TCF20: variants seen among roughly 807,000 people sequenced by gnomAD.
TCF20 encodes SPRE-binding protein.
In TCF20, 3 loss-of-function variants were observed where a neutral mutation model predicts 148.6. That is an observed-to-expected ratio of 0.02 (90% CI 0.01 to 0.05). TCF20 has a LOEUF of 0.05. TCF20 is among the 10% of genes least tolerant of loss of function. The probability of loss-of-function intolerance (pLI) is 1.00; values close to 1 mark genes in which losing one functional copy is unlikely to be tolerated. For synonymous variants in TCF20, 1,049 were observed against 909.5 expected (o/e 1.15, Z -2.76); for missense variants, 2,350 against 2,429.3 (o/e 0.97, Z 0.69).
At chr22:42,174,237 T>C (rs982818993) in intron 3 of TCF20, among the ~76,000 whole-genome samples, 2 of 152,218 alleles carry the variant, frequency 1.3e-5, no homozygotes, top group Non-Finnish European at 2.9e-5. Flanking sequence ...AAAAAATTCA[T>C]TTCCTCAGTC....
At chr22:42,300,753 G>A (rs1927322862) in intron 1 of TCF20, among the ~76,000 whole-genome samples, 1 of 152,122 alleles carries the variant, frequency 6.6e-6, no homozygotes, top group African/African-American at 2.4e-5. Flanking sequence ...TCATCACCCT[G>A]ATGACTAACC....
intron 1 of TCF20, among the ~76,000 whole-genome samples, chr22:42,319,390 G>A (rs1340652937): frequency 1.3e-5 from 2 of 152,164 alleles, no homozygotes; most frequent in Non-Finnish European, 2.9e-5. Flanking sequence ...TGCCTGGGCA[G>A]CCATGGAAAG....
intron 1 of TCF20, among the ~76,000 whole-genome samples, chr22:42,316,394 C>T (rs1927632079): frequency 6.6e-6 from 1 of 152,138 alleles, no homozygotes; most frequent in East Asian, 1.9e-4. Flanking sequence ...AGTTCAGTCC[C>T]CTGGGCCTTC....
At chr22:42,255,987 T>A (rs1344235078) in intron 1 of TCF20, among the ~76,000 whole-genome samples, 1 of 152,176 alleles carries the variant, frequency 6.6e-6, no homozygotes, top group African/African-American at 2.4e-5. Context: ...GATAATATGC[T>A]ACATACTTTT....
intron 1 of TCF20, among the ~76,000 whole-genome samples, chr22:42,325,626 G>A (rs1927861644): frequency 6.6e-6 from 1 of 152,208 alleles, no homozygotes; most frequent in East Asian, 1.9e-4. Flanking sequence ...AGGCATCCCA[G>A]GTAGGCAGGA....
intron 1 of TCF20, among the ~76,000 whole-genome samples, chr22:42,310,152 A>G (rs1927507234): frequency 6.6e-6 from 1 of 152,182 alleles, no homozygotes; most frequent in Non-Finnish European, 1.5e-5. Context: ...GGCAGAGGGA[A>G]TTGTTTCTGT....
intron 1 of TCF20, among the ~76,000 whole-genome samples, chr22:42,329,674 C>T (rs2147057241): frequency 6.6e-6 from 1 of 152,336 alleles, no homozygotes; most frequent in African/African-American, 2.4e-5. Flanking sequence ...TGCAGGAGGG[C>T]TGAGAGGGTG....
chr22:42,281,828 C>T (rs1926909053), intron 1 of TCF20, among the ~76,000 whole-genome samples: 1 of 152,186 alleles, frequency 6.6e-6, no homozygotes, highest in South Asian at 2.1e-4. Context: ...TTCCTCTGAG[C>T]TCTAGGAACA....
chr22:42,221,529 T>C lies in TCF20; in HGVS notation c.-36-6188A>G, dbSNP rs539447055. Among the ~76,000 whole-genome samples the C allele has an allele frequency of 1.1e-4, 16 of 152,250 alleles. No individual in the cohort carries two copies. In the South Asian group the frequency reaches 3.3e-3, roughly 32 times the overall value. ...TGGGGAATGAGAGACTTCTATTTCA[T>C]GCACTATGACATAGAACAGGGACTA... On this transcript the variant is annotated intron_variant, in intron 1 of 5. Transcript: ENST00000677622.
chr22:42,246,306 T>C (rs977161201), intron 1 of TCF20, among the ~76,000 whole-genome samples: 1 of 152,164 alleles, frequency 6.6e-6, no homozygotes, highest in Admixed American at 6.5e-5. Flanking sequence ...GGTTTCGCCA[T>C]GTTGGCCAGG....
intron 3 of TCF20, among the ~76,000 whole-genome samples, chr22:42,171,205 A>G (rs1036335830): frequency 1.1e-4 from 17 of 152,242 alleles, no homozygotes; most frequent in Non-Finnish European, 2.4e-4. Flanking sequence ...GCTCCTGGAG[A>G]CCGACAGCCA....
At chr22:42,291,092 C>G (rs1194090879) in intron 1 of TCF20, among the ~76,000 whole-genome samples, 1 of 152,166 alleles carries the variant, frequency 6.6e-6, no homozygotes, top group Non-Finnish European at 1.5e-5. Flanking sequence ...ACTCCATGCC[C>G]CATCCTTCCC....
At chr22:42,324,693 GAA>G (rs112565438) in intron 1 of TCF20, among the ~76,000 whole-genome samples, 1 of 56,574 alleles carries the variant, frequency 1.8e-5, no homozygotes, top group East Asian at 9.3e-4. Flanking sequence ...CACCATTTGA[GAA>G]AAAATAATCT....
At chr22:42,190,489 A>G (rs1937275709) in intron 2 of TCF20, among the ~76,000 whole-genome samples, 1 of 152,018 alleles carries the variant, frequency 6.6e-6, no homozygotes, top group South Asian at 2.1e-4. Flanking sequence ...CCCTGCACAT[A>G]CTTCCCAGGA....
chr22:42,246,158 T>G lies in TCF20; in HGVS notation c.-37+24181A>C, dbSNP rs532062733. On this transcript the variant is annotated intron_variant, in intron 1 of 5. Coordinates refer to ENST00000677622, the MANE Select transcript of TCF20 (RefSeq NM_001378418.1). Reference sequence around the variant, plus strand: ...TCTCACTCTGTCACCCAGGCTGGAGTGCACTGGTGTGATCTTGGCTCACTG... The same window carrying G: ...TCTCACTCTGTCACCCAGGCTGGAGGGCACTGGTGTGATCTTGGCTCACTG... Among the ~76,000 whole-genome samples the G allele has an allele frequency of 2.0e-5, 3 of 152,248 alleles. No homozygotes were observed. The East Asian group carries it at 5.8e-4, about 29-fold the overall frequency.
chr22:42,267,537 C>T (rs1333501262), intron 1 of TCF20, among the ~76,000 whole-genome samples: 13 of 151,666 alleles, frequency 8.6e-5, no homozygotes, highest in Non-Finnish European at 1.9e-4. Context: ...CCCATCTCTA[C>T]TAAAAATACA....
intron 1 of TCF20, among the ~76,000 whole-genome samples, chr22:42,252,641 G>T (rs979936456): frequency 6.6e-6 from 1 of 152,076 alleles, no homozygotes; most frequent in African/African-American, 2.4e-5. Context: ...AGTAGAGACG[G>T]GGCTTCACCT....
Position 42,160,838 on chromosome 22 carries a change from G to A in TCF20, c.*565C>T, listed in dbSNP as rs1935400640. ...GTTTGCTTTTTCAATCCTGGGTCTAGTGTTTTCTGAACTGGTGTGAGACAG... is the reference window on the plus strand; with the variant it reads ...GTTTGCTTTTTCAATCCTGGGTCTAATGTTTTCTGAACTGGTGTGAGACAG... On this transcript the variant is annotated 3_prime_UTR_variant, in exon 6 of 6. Coordinates refer to ENST00000677622, the MANE Select transcript of TCF20 (RefSeq NM_001378418.1). The A allele has an allele frequency of 6.6e-6, 1 of 152,038 alleles. No homozygotes were observed. The highest frequency in any genetic ancestry group is 1.5e-5 in the Non-Finnish European group (1 of 68,146). 9.4% of individuals were successfully genotyped at this position (152,038 alleles called of 1,614,324 possible). A position where few individuals can be genotyped will look rare whatever the true frequency, so the allele number is the denominator to read the frequency against.
rs1407183076 is a variant in TCF20, at chr22:42,211,506, T to C, written c.3800A>G (p.Lys1267Arg). The C allele has an allele frequency of 1.2e-6, 2 of 1,614,076 alleles. No homozygotes were observed. Among genetic ancestry groups the C allele is most frequent in the South Asian group, 1.1e-5 (1 of 91,076 alleles). The change falls in exon 2 of 6, where the codon AAG becomes AGG. Residue 1267 changes from lysine to arginine, a missense_variant. Coordinates refer to ENST00000677622, the MANE Select transcript of TCF20 (RefSeq NM_001378418.1). ...GTTCTTTACATCTTGTGACTGTCTC[T>C]TACTGGGAATGGGAGAGATAAAAGA... Reference protein sequence around the residue: ...VRSFISPIPSKRQSQDVKNSS... With the variant: ...VRSFISPIPSRRQSQDVKNSS...
Sources: gnomAD v4.1 joint callset for allele counts (sites outside exome capture counted in the v4.1 genomes callset) on GRCh38, gnomAD v4.1.1 for gene constraint, MANE v1.5 for transcripts, NCBI Gene and HGNC (gene_info 2026-07-23, HGNC 2026-07-21) for gene names.